Variants in GHR observed in about 807,000 individuals in gnomAD.
The protein encoded by GHR is GH receptor.
A neutral mutation model predicts 67.1 loss-of-function variants in GHR; 35 were observed. The ratio of observed to expected loss-of-function variants is 0.52; its 90% CI spans 0.40 to 0.69. The LOEUF is 0.69. Ranked by LOEUF, GHR falls within the 30% of genes least tolerant of loss-of-function variation. The pLI is 0.00. For missense variants in GHR, 792 were observed against 764.6 expected (o/e 1.04, Z -0.42); for synonymous variants, 272 against 269.1 (o/e 1.01, Z -0.10).
At chr5:42,525,878 C>T (rs1747686053) in intron 1 of GHR, among the ~76,000 whole-genome samples, 1 of 152,180 alleles carries the variant, frequency 6.6e-6, no homozygotes, top group Non-Finnish European at 1.5e-5. Context: ...GAGTCTTTTG[C>T]CTCCTGCCAT....
intron 1 of GHR, among the ~76,000 whole-genome samples, chr5:42,546,933 T>C (rs147168393): frequency 6.6e-4 from 101 of 152,292 alleles, no homozygotes; most frequent in African/African-American, 2.4e-3. Flanking sequence ...GACATCCAGA[T>C]AACTCCTAGG....
intron 3 of GHR, among the ~76,000 whole-genome samples, chr5:42,643,619 T>G (rs1754585641): frequency 1.3e-5 from 2 of 152,180 alleles, no homozygotes; most frequent in Admixed American, 1.3e-4. Context: ...GATTTTTAGA[T>G]GTCTAGTCTC....
intron 1 of GHR, among the ~76,000 whole-genome samples, chr5:42,449,714 A>G (rs1238861073): frequency 6.6e-6 from 1 of 152,190 alleles, no homozygotes; most frequent in Non-Finnish European, 1.5e-5. Context: ...GTCTTGTTCC[A>G]GTTCTCAGGC....
intron 3 of GHR, among the ~76,000 whole-genome samples, chr5:42,641,188 A>G (rs1391394606): frequency 1.0e-5 from 1 of 97,672 alleles, no homozygotes; most frequent in Non-Finnish European, 2.0e-5. Context: ...CACAGAGCTA[A>G]AAGTGTACAC....
chr5:42,651,164 C>T (rs545012058), intron 3 of GHR, among the ~76,000 whole-genome samples: 2 of 152,272 alleles, frequency 1.3e-5, no homozygotes, highest in African/African-American at 4.8e-5. Context: ...CCAAAGAAGC[C>T]ACACTGCACA....
At chr5:42,623,159 TACTA>T (rs537855373) in intron 2 of GHR, among the ~76,000 whole-genome samples, 21 of 152,294 alleles carry the variant, frequency 1.4e-4, no homozygotes, top group South Asian at 8.3e-4. Flanking sequence ...GATTTGCATG[TACTA>T]ACTGATTTAA....
rs754637879 is a variant in GHR at position 42,718,941 on chromosome 5, A to C, written c.1434A>C (p.Pro478=). 4.3e-6 allele frequency: 7 copies of C among 1,613,810 alleles called. No homozygotes were observed. In the African/African-American group the frequency reaches 9.3e-5, roughly 22 times the overall value. Residue 478 remains proline, a synonymous_variant, in exon 10 of 10, where the codon CCA becomes CCC. Transcript: ENST00000230882. ...CTGCCCATATTCAGCTAAGCAATCCAAGTTCACTGTCAAACATCGACTTTT... is the reference window on the plus strand; with the variant it reads ...CTGCCCATATTCAGCTAAGCAATCCCAGTTCACTGTCAAACATCGACTTTT... The part of the protein sequence containing the change: ...HQAAHIQLSN[P]SSLSNIDFYA...
chr5:42,637,227 AC>A (rs1342532161), intron 3 of GHR, among the ~76,000 whole-genome samples: 3 of 152,098 alleles, frequency 2.0e-5, no homozygotes, highest in Non-Finnish European at 4.4e-5. Flanking sequence ...AGGTCCACAA[AC>A]CTAAAATATT....
In GHR at chr5:42,699,736, G is replaced by A. The variant is rs554930570; in HGVS notation, c.440-88G>A. 1.5e-4 allele frequency: 128 copies of A among 853,220 alleles called. No individual in the cohort carries two copies. The South Asian group carries it at 1.7e-3, about 11-fold the overall frequency. The allele number at this position is 853,220 out of a possible 1,614,324, so 52.9% of individuals were successfully genotyped here. On this transcript the variant is annotated intron_variant, in intron 5 of 9. Coordinates refer to ENST00000230882, the MANE Select transcript of GHR (RefSeq NM_000163.5). ...AAGAGCATGAATGATCAAAAATGTAGAAAGTAATTTGGTCTTCTGAGAAGA... is the reference window on the plus strand; with the variant it reads ...AAGAGCATGAATGATCAAAAATGTAAAAAGTAATTTGGTCTTCTGAGAAGA...
At chr5:42,518,203 C>CTG (rs10590736) in intron 1 of GHR, among the ~76,000 whole-genome samples, 1 of 149,384 alleles carries the variant, frequency 6.7e-6, no homozygotes, top group Non-Finnish European at 1.5e-5. Flanking sequence ...ATTAATAATT[C>CTG]TGTGTGTGTG....
chr5:42,694,204 A>G lies in GHR; in HGVS notation c.267-713A>G, dbSNP rs369892491. 9.9e-5 allele frequency among the ~76,000 whole-genome samples: 15 copies of G among 152,166 alleles called. No homozygotes were observed. The East Asian group carries it at 1.3e-3, about 14-fold the overall frequency. ...GCACTTACCCACATTGCTTTGTAAT[A>G]TGGTTTTTTACTCTTTCCTTCTGAG... On this transcript the variant is annotated intron_variant, in intron 4 of 9. Coordinates refer to ENST00000230882, the MANE Select transcript of GHR (RefSeq NM_000163.5).
chr5:42,662,344 C>T (rs1049702807), intron 3 of GHR, among the ~76,000 whole-genome samples: 4 of 152,218 alleles, frequency 2.6e-5, no homozygotes, highest in African/African-American at 7.2e-5. Context: ...AAATTGACCA[C>T]GTGGTTCGAA....
At chr5:42,709,915 G>A (rs983527734) in intron 6 of GHR, among the ~76,000 whole-genome samples, 2 of 152,002 alleles carry the variant, frequency 1.3e-5, no homozygotes, top group South Asian at 2.1e-4. Flanking sequence ...AGGGTTGAGG[G>A]AATATGAAGA....
At chr5:42,602,566 C>G (rs191062337) in intron 2 of GHR, among the ~76,000 whole-genome samples, 5 of 152,148 alleles carry the variant, frequency 3.3e-5, no homozygotes, top group Admixed American at 3.3e-4. Context: ...CAACTGTTTT[C>G]TATTTGTTTA....
chr5:42,589,190 A>G (rs991011685), intron 2 of GHR, among the ~76,000 whole-genome samples: 16 of 152,296 alleles, frequency 1.1e-4, no homozygotes, highest in African/African-American at 3.1e-4. Context: ...AATTCACCAT[A>G]TTTAACCTGT....
intron 3 of GHR, among the ~76,000 whole-genome samples, chr5:42,640,837 C>T (rs1338152680): frequency 6.6e-6 from 1 of 151,850 alleles, no homozygotes; most frequent in African/African-American, 2.4e-5. Flanking sequence ...AATTTTGCGT[C>T]CTGAAAGACC....
Position 42,566,014 on chromosome 5 carries a change from A to G in GHR, c.70+70A>G, listed in dbSNP as rs529128423. On this transcript the variant is annotated intron_variant, in intron 2 of 9. Coordinates refer to ENST00000230882, the MANE Select transcript of GHR (RefSeq NM_000163.5). ...CACTGAACTGTATTCGCTACATCCA[A>G]GTTTTTTGGATGATTTTATTAAAAG... The G allele has an allele frequency of 4.8e-5, 75 of 1,546,708 alleles. 1 individual carries two copies. Among genetic ancestry groups the G allele is most frequent in the South Asian group, 1.2e-4 (11 of 89,580 alleles).
At chr5:42,657,960 C>G (rs958696229) in intron 3 of GHR, among the ~76,000 whole-genome samples, 1 of 152,118 alleles carries the variant, frequency 6.6e-6, no homozygotes. Context: ...TTTTCCCAAC[C>G]AGGCTGAAAA....
intron 1 of GHR, among the ~76,000 whole-genome samples, chr5:42,455,139 C>A (rs969051862): frequency 6.6e-6 from 1 of 152,074 alleles, no homozygotes; most frequent in Non-Finnish European, 1.5e-5. Context: ...AAGGTTAAAT[C>A]CTTCTCTCAT....
Sources: gnomAD v4.1 joint callset for allele counts (sites outside exome capture counted in the v4.1 genomes callset) on GRCh38, gnomAD v4.1.1 for gene constraint, MANE v1.5 for transcripts, NCBI Gene and HGNC (gene_info 2026-07-23, HGNC 2026-07-21) for gene names.